Variants in VPS37A observed in about 807,000 individuals in gnomAD.
VPS37A encodes vacuolar protein sorting-associated protein 37A.
A neutral mutation model predicts 49.8 loss-of-function variants in VPS37A; 30 were observed. The observed-to-expected ratio is 0.60, with a 90% CI of 0.45 to 0.82. The LOEUF is 0.82. Among genes scored for constraint, VPS37A ranks in the 40% least tolerant of loss-of-function variants. The pLI is 0.00. For synonymous variants in VPS37A, 195 were observed against 160.6 expected (o/e 1.21, Z -1.62); for missense variants, 593 against 464.4 (o/e 1.28, Z -2.55).
chr8:17,296,534 A>G lies in VPS37A; in HGVS notation c.*1548A>G, dbSNP rs11555737. On this transcript the variant is annotated 3_prime_UTR_variant, in exon 12 of 12. Transcript: ENST00000324849. ...AGCAATGGGAGATAGAACAGTCTCA[A>G]TCTTTTGCCAACCATCAGGTTCCTA... 18,653 of 152,174 alleles carry G rather than the reference A, an allele frequency of 0.12. 1,513 individuals carry two copies. Among genetic ancestry groups the G allele is most frequent in the Non-Finnish European group, 0.18 (12,542 of 67,986 alleles). 9.4% of individuals were successfully genotyped at this position (152,174 alleles called of 1,614,324 possible). A position where few individuals can be genotyped will look rare whatever the true frequency, so the allele number is the denominator to read the frequency against.
At chr8:17,332,560 A>C in the VPS37A span, among the ~76,000 whole-genome samples, 1 of 152,180 alleles carries the variant, frequency 6.6e-6, no homozygotes, top group African/African-American at 2.4e-5. Flanking sequence ...AGCCCATTGG[A>C]AGTTGAAAAT....
Position 17,274,928 on chromosome 8 carries a change from A to ACCCATT in VPS37A, c.617_622dup (p.Ile206_Pro207dup). The ACCCATT allele has an allele frequency of 1.2e-6, 2 of 1,614,104 alleles. No homozygotes were observed. Among genetic ancestry groups the ACCCATT allele is most frequent in the Non-Finnish European group, 1.7e-6 (2 of 1,180,000 alleles). On this transcript the variant is annotated inframe_insertion, in exon 5 of 12. Coordinates refer to ENST00000324849, the MANE Select transcript of VPS37A (RefSeq NM_152415.3). ...TTGGTGTCCTTTCAAATCTGCCATT[A>ACCCATT]CCCATTCCCACAGTGGATGCTTCAA...
At chr8:17,300,272 C>G, downstream of VPS37A, 1 of 1,548,928 alleles carries the variant, frequency 6.5e-7, no homozygotes, top group Non-Finnish European at 8.7e-7. Context: ...AATAACTTAT[C>G]TTTTTCTATA....
intron 1 of VPS37A, among the ~76,000 whole-genome samples, chr8:17,260,477 A>G (rs989584799): frequency 2.0e-5 from 3 of 152,148 alleles, no homozygotes; most frequent in Admixed American, 6.5e-5. Context: ...TACTGGAATT[A>G]TAAGTGGATT....
chr8:17,273,533 A>AT (rs933275464), intron 4 of VPS37A, among the ~76,000 whole-genome samples: 7 of 151,920 alleles, frequency 4.6e-5, no homozygotes, highest in African/African-American at 1.7e-4. Context: ...CGCCCAGCTA[A>AT]TTTTTTGTAT....
chr8:17,290,005 A>C (rs929591810), intron 11 of VPS37A, among the ~76,000 whole-genome samples: 1 of 151,888 alleles, frequency 6.6e-6, no homozygotes, highest in Non-Finnish European at 1.5e-5. Context: ...CTGTTTGTCT[A>C]TTATTGGTGT....
chr8:17,327,307 G>A, the VPS37A span, among the ~76,000 whole-genome samples: 24 of 152,172 alleles, frequency 1.6e-4, no homozygotes, highest in African/African-American at 5.8e-4. Context: ...CTAACTCTCT[G>A]TCACCCAGGC....
At chr8:17,319,003 G>C in the VPS37A span, among the ~76,000 whole-genome samples, 1 of 152,204 alleles carries the variant, frequency 6.6e-6, no homozygotes, top group Non-Finnish European at 1.5e-5. Flanking sequence ...TTAACAGCAG[G>C]GATTTCACAT....
intron 5 of VPS37A, 99 bp downstream of exon 5, chr8:17,275,057 C>T (rs997087010): frequency 3.6e-6 from 4 of 1,123,244 alleles, no homozygotes; most frequent in African/African-American, 1.6e-5. Flanking sequence ...ATAAGTTAGA[C>T]ACAAAATATG....
At chr8:17,328,943 G>C in the VPS37A span, among the ~76,000 whole-genome samples, 1 of 151,782 alleles carries the variant, frequency 6.6e-6, no homozygotes, top group African/African-American at 2.4e-5. Flanking sequence ...TCTCTATAGA[G>C]GACCTACACA....
chr8:17,279,903 A>G (rs1172329009), intron 6 of VPS37A, 125 bp from the exon 7 acceptor site: 4 of 1,155,980 alleles, frequency 3.5e-6, no homozygotes, highest in Non-Finnish European at 3.8e-6. Context: ...TGGCAGCCTT[A>G]GGTGTATATG....
At position 17,280,036 on chromosome 8, in the gene VPS37A, A is replaced by T. The variant is rs1364454648; in HGVS notation, c.722A>T (p.Gln241Leu). Reference protein sequence around the residue: ...FPELSELSVSQLTDMNEQEEV... With the variant: ...FPELSELSVSLLTDMNEQEEV... The stretch of plus-strand genomic sequence containing the variant: ...TTCTTTTGTGTTTCTAGTGTGTCAC[A>T]ACTCACAGATATGAATGAACAAGAG... The change falls in exon 7 of 12, where the codon CAA (glutamine) becomes CTA (leucine). Residue 241 changes from glutamine to leucine, a missense_variant. By Grantham distance (113) the Gln-to-Leu change is moderately radical. Coordinates refer to ENST00000324849, the MANE Select transcript of VPS37A (RefSeq NM_152415.3). The T allele has an allele frequency of 6.2e-7, 1 of 1,610,576 alleles. No homozygotes were observed. Among genetic ancestry groups the T allele is most frequent in the Non-Finnish European group, 8.5e-7 (1 of 1,178,486 alleles).
chr8:17,272,802 C>T (rs979896766), intron 4 of VPS37A, among the ~76,000 whole-genome samples: 3 of 151,898 alleles, frequency 2.0e-5, no homozygotes, highest in Non-Finnish European at 2.9e-5. Context: ...CATATATTCA[C>T]CTGGCTCAAA....
the VPS37A span, among the ~76,000 whole-genome samples, chr8:17,310,525 G>A: frequency 3.3e-5 from 5 of 152,294 alleles, no homozygotes; most frequent in Non-Finnish European, 7.4e-5. Context: ...AGGGCAGTGT[G>A]TGACTGGCAA....
At chr8:17,320,183 G>A in the VPS37A span, among the ~76,000 whole-genome samples, 2 of 151,668 alleles carry the variant, frequency 1.3e-5, no homozygotes, top group Admixed American at 6.6e-5. Context: ...TTTTAATGTG[G>A]CCACCAGAAA....
At chr8:17,250,826 G>A (rs549996305) in intron 1 of VPS37A, among the ~76,000 whole-genome samples, 2 of 152,132 alleles carry the variant, frequency 1.3e-5, no homozygotes, top group South Asian at 2.1e-4. Context: ...CAATATGCAC[G>A]GCAAATGAGA....
the VPS37A span, among the ~76,000 whole-genome samples, chr8:17,331,840 C>T: frequency 6.6e-6 from 1 of 152,256 alleles, no homozygotes; most frequent in South Asian, 2.1e-4. Flanking sequence ...GGAATGCAAC[C>T]AAGTCTCCAG....
At chr8:17,329,706 T>C in the VPS37A span, among the ~76,000 whole-genome samples, 2 of 152,202 alleles carry the variant, frequency 1.3e-5, no homozygotes, top group African/African-American at 2.4e-5. Flanking sequence ...TCAGACTGCC[T>C]TTCCAATAAC....
chr8:17,300,175 C>G (rs1723386425), downstream of VPS37A: 1 of 1,613,966 alleles, frequency 6.2e-7, no homozygotes, highest in Non-Finnish European at 8.5e-7. Context: ...ACTTTGCTTA[C>G]TCTTCACCTT....
Sources: gnomAD v4.1 joint callset for allele counts (sites outside exome capture counted in the v4.1 genomes callset) on GRCh38, gnomAD v4.1.1 for gene constraint, MANE v1.5 for transcripts, NCBI Gene and HGNC (gene_info 2026-07-23, HGNC 2026-07-21) for gene names.